The following LRRC4C variants were observed in gnomAD, a reference collection of about 807,000 sequenced individuals.
LRRC4C encodes leucine-rich repeat-containing protein 4C.
LRRC4C carries 5 observed loss-of-function variants against 33.6 expected under a neutral mutation model. The ratio of observed to expected loss-of-function variants is 0.15; its 90% confidence interval spans 0.08 to 0.31. LRRC4C has a LOEUF of 0.31. Among genes scored for constraint, LRRC4C ranks in the 10% least tolerant of loss-of-function variants. LRRC4C has a pLI of 1.00. For missense variants in LRRC4C, 560 were observed against 796.7 expected, an observed-to-expected ratio of 0.70 and a Z score of 3.58; for synonymous variants, 329 against 302.0, an observed-to-expected ratio of 1.09 and a Z score of -0.93.
intron 4 of LRRC4C, chr11:40,293,271 C>T (rs1158094683): frequency 2.6e-5 from 4 of 152,042 alleles, no homozygotes; most frequent in African/African-American, 7.3e-5. Context: ...CAAGAAGAAA[C>T]CCATTCCTCC....
chr11:40,639,381 G>T (rs983506815), intron 3 of LRRC4C, among the ~76,000 whole-genome samples: 3 of 152,148 alleles, frequency 2.0e-5, no homozygotes, highest in African/African-American at 7.2e-5. Context: ...TCACATTGGT[G>T]GGTGAAATGG....
At chr11:40,720,994 A>T (rs1357639805) in intron 2 of LRRC4C, among the ~76,000 whole-genome samples, 4 of 152,194 alleles carry the variant, frequency 2.6e-5, no homozygotes, top group Non-Finnish European at 4.4e-5. Flanking sequence ...TGAAGAATAT[A>T]GTCCTCTAGA....
chr11:40,972,815 T>C (rs1228526586), intron 1 of LRRC4C, among the ~76,000 whole-genome samples: 2 of 152,146 alleles, frequency 1.3e-5, no homozygotes, highest in Admixed American at 1.3e-4. Context: ...CAATTCCAGA[T>C]GAGGTTTGGG....
intron 2 of LRRC4C, among the ~76,000 whole-genome samples, chr11:40,871,019 T>C (rs1475000411): frequency 6.6e-6 from 1 of 152,110 alleles, no homozygotes; most frequent in Non-Finnish European, 1.5e-5. Context: ...GGCGGCCGTC[T>C]TTTATGGTCG....
At chr11:40,813,942 C>T (rs950926131) in intron 2 of LRRC4C, among the ~76,000 whole-genome samples, 5 of 152,230 alleles carry the variant, frequency 3.3e-5, no homozygotes, top group African/African-American at 1.2e-4. Flanking sequence ...TCACCCATGA[C>T]TTTGGACAGA....
At chr11:41,274,512 C>T (rs182113467) in intron 1 of LRRC4C, among the ~76,000 whole-genome samples, 1 of 152,136 alleles carries the variant, frequency 6.6e-6, no homozygotes, top group Non-Finnish European at 1.5e-5. Flanking sequence ...TGGACTTCCT[C>T]GGTTGAGTGA....
chr11:40,399,158 T>A (rs1949661128), intron 3 of LRRC4C, among the ~76,000 whole-genome samples: 1 of 152,068 alleles, frequency 6.6e-6, no homozygotes, highest in South Asian at 2.1e-4. Context: ...AGAAATACCA[T>A]CTGACCCAGC....
intron 3 of LRRC4C, among the ~76,000 whole-genome samples, chr11:40,476,175 G>A (rs1565427062): frequency 6.6e-6 from 1 of 151,958 alleles, no homozygotes. Context: ...CCAACTAGAA[G>A]TGTGTGTGTG....
chr11:40,692,220 T>C (rs573628267), intron 2 of LRRC4C, among the ~76,000 whole-genome samples: 1 of 151,960 alleles, frequency 6.6e-6, no homozygotes, highest in African/African-American at 2.4e-5. Flanking sequence ...AAAATGAATA[T>C]GTATTGACCA....
chr11:40,239,139 T>C (rs1289267916), intron 5 of LRRC4C, among the ~76,000 whole-genome samples: 1 of 152,186 alleles, frequency 6.6e-6, no homozygotes, highest in Non-Finnish European at 1.5e-5. Context: ...TCTAAATCCT[T>C]ACTCAAAGTC....
At chr11:40,205,769 A>G (rs1863101288) in intron 5 of LRRC4C, among the ~76,000 whole-genome samples, 1 of 152,144 alleles carries the variant, frequency 6.6e-6, no homozygotes, top group Admixed American at 6.6e-5. Flanking sequence ...TTGACCAACT[A>G]GGTTCTTCAT....
chr11:41,288,595 T>C (rs1027837736), intron 1 of LRRC4C, among the ~76,000 whole-genome samples: 1 of 152,186 alleles, frequency 6.6e-6, no homozygotes, highest in African/African-American at 2.4e-5. Context: ...TGGTAATAAG[T>C]GGTTGAACTC....
At chr11:40,270,536 A>T (rs549137837) in intron 4 of LRRC4C, among the ~76,000 whole-genome samples, 1 of 151,924 alleles carries the variant, frequency 6.6e-6, no homozygotes, top group African/African-American at 2.4e-5. Context: ...GGTGATCAGG[A>T]CCTCAACCTA....
intron 1 of LRRC4C, among the ~76,000 whole-genome samples, chr11:41,343,234 G>C (rs1951696129): frequency 6.6e-6 from 1 of 152,148 alleles, no homozygotes; most frequent in South Asian, 2.1e-4. Flanking sequence ...CAGTACCAAT[G>C]ATGAACCAAA....
chr11:41,163,748 A>G (rs1311711999), intron 1 of LRRC4C, among the ~76,000 whole-genome samples: 3 of 151,764 alleles, frequency 2.0e-5, no homozygotes, highest in African/African-American at 4.8e-5. Context: ...AGTAGCTGGG[A>G]TTACAGGTGC....
At chr11:41,358,642 T>C (rs534816282) in intron 1 of LRRC4C, among the ~76,000 whole-genome samples, 3 of 152,292 alleles carry the variant, frequency 2.0e-5, no homozygotes, top group African/African-American at 4.8e-5. Context: ...GATGACATCA[T>C]ATGCCATCAG....
At chr11:40,532,981 A>T (rs1956330922) in intron 3 of LRRC4C, among the ~76,000 whole-genome samples, 1 of 152,062 alleles carries the variant, frequency 6.6e-6, no homozygotes, top group Non-Finnish European at 1.5e-5. Flanking sequence ...AAACCATCAG[A>T]TCTTGTGGGA....
At chr11:40,208,941 T>C (rs1264245039) in intron 5 of LRRC4C, among the ~76,000 whole-genome samples, 1 of 93,528 alleles carries the variant, frequency 1.1e-5, no homozygotes, top group Non-Finnish European at 2.3e-5. Context: ...GGGCTTTCTT[T>C]TGTGCACGTG....
At chr11:41,435,540 A>C (rs929340011) in intron 1 of LRRC4C, among the ~76,000 whole-genome samples, 1 of 152,220 alleles carries the variant, frequency 6.6e-6, no homozygotes, top group Admixed American at 6.5e-5. Context: ...AGGAACAAGC[A>C]TTCCACTATG....
Sources: allele counts gnomAD v4.1 joint callset (sites outside exome capture counted in the v4.1 genomes callset), GRCh38; gene constraint gnomAD v4.1.1; transcripts MANE v1.5; gene names NCBI Gene and HGNC (gene_info 2026-07-23, HGNC 2026-07-21).